MYO9B: variants seen among roughly 807,000 people sequenced by gnomAD.
MYO9B encodes myosin IXB, also known as unconventional myosin-IXb.
In MYO9B, 71 loss-of-function variants were observed where a neutral mutation model predicts 229.5. The observed-to-expected ratio is 0.31, with a 90% CI of 0.26 to 0.38. MYO9B has a LOEUF of 0.38. Among genes scored for constraint, MYO9B ranks in the 10% least tolerant of loss-of-function variants. MYO9B has a pLI of 1.00. For missense variants in MYO9B, 2,255 were observed against 2,920.5 expected, an observed-to-expected ratio of 0.77 and a Z score of 5.25; for synonymous variants, 1,185 against 1,235.8, an observed-to-expected ratio of 0.96 and a Z score of 0.86.
chr19:17,184,919 C>T lies in MYO9B; in HGVS notation c.2428C>T (p.Arg810Cys), dbSNP rs2072900809. ...CATCATCAGCATGACTCTGCACGAC[C>T]GCACCACCAAGTCCCTACTGCACCT... is the stretch of plus-strand genomic sequence containing the variant. ...KLIISMTLHD[R>C]TTKSLLHLHK... Residue 810 changes from arginine to cysteine, a missense_variant, in exon 17 of 40, where the codon CGC becomes TGC. Arg to Cys is a radical substitution (Grantham distance 180). Around this residue, in one of 7 missense-constraint regions of MYO9B, gnomAD observed 68 missense variants for 133.5 expected, o/e 0.51. Coordinates refer to ENST00000682292, the MANE Select transcript of MYO9B (RefSeq NM_004145.4). 1 of 1,613,926 alleles carries T rather than the reference C, an allele frequency of 6.2e-7. No individual in the cohort carries two copies.
rs1472538567 is a variant in MYO9B, at chr19:17,200,346, T to C, written c.4292T>C (p.Leu1431Pro). ...AAAACCAAGGATAAAAAATACAGCC[T>C]GGAGGGCGCAGAGGAGCTGGAGAAT... ...LHKTKDKKYSLEGAEELENAV... is the reference protein window; with the variant it reads ...LHKTKDKKYSPEGAEELENAV... The change falls in exon 25 of 40, where the codon CTG becomes CCG. Residue 1431 changes from leucine (L) to proline (P), a missense_variant. Leu to Pro is a moderately conservative substitution (Grantham distance 98). Transcript: ENST00000682292. 2 of 1,612,348 alleles carry C rather than the reference T, an allele frequency of 1.2e-6. No individual in the cohort carries two copies. Among genetic ancestry groups the C allele is most frequent in the Non-Finnish European group, 8.5e-7 (1 of 1,179,184 alleles).
Position 17,194,587 on chromosome 19 carries a change from G to T in MYO9B, c.3160G>T (p.Ala1054Ser). 6.2e-7 allele frequency: 1 copy of T among 1,612,838 alleles called. No individual in the cohort carries two copies. The highest frequency in any genetic ancestry group is 8.5e-7 in the Non-Finnish European group (1 of 1,179,858). The change falls in exon 22 of 40, where the codon GCA (alanine) becomes TCA (serine). Residue 1054 changes from alanine to serine, a missense_variant. This residue lies in a region of MYO9B where 679 missense variants were observed against 770.2 expected (regional missense o/e 0.88). Transcript: ENST00000682292. The part of the protein sequence containing the change: ...FSQMISEKQK[A>S]EEKEREALEA... The stretch of plus-strand genomic sequence containing the variant: ...CCAGATGATCTCGGAGAAGCAGAAG[G>T]CAGAAGAGAAGGAGAGGGAAGCCCT...
chr19:17,110,208 G>A (rs554531947), intron 2 of MYO9B, among the ~76,000 whole-genome samples: 1 of 152,178 alleles, frequency 6.6e-6, no homozygotes, highest in Non-Finnish European at 1.5e-5. Flanking sequence ...TTGCAGCCTC[G>A]CTGTGTAATG....
intron 16 of MYO9B, chr19:17,184,150 G>A: frequency 4.1e-6 from 2 of 484,618 alleles, no homozygotes; most frequent in Non-Finnish European, 3.7e-6. Context: ...GAAGCTAGGG[G>A]CGTAAGCATA....
At chr19:17,142,759 T>TTTTG (rs1394988756) in intron 2 of MYO9B, among the ~76,000 whole-genome samples, 2 of 152,148 alleles carry the variant, frequency 1.3e-5, no homozygotes, top group East Asian at 1.9e-4. Context: ...TTCTTTGGGT[T>TTTTG]TTTGTTTGTT....
At chr19:17,094,113 G>C (rs1341032678) in intron 1 of MYO9B, among the ~76,000 whole-genome samples, 1 of 129,646 alleles carries the variant, frequency 7.7e-6, no homozygotes, top group South Asian at 2.5e-4. Flanking sequence ...TCGGCACACT[G>C]CAATCTCCAC....
At chr19:17,141,392 G>C (rs116176368) in intron 2 of MYO9B, among the ~76,000 whole-genome samples, 2,454 of 152,258 alleles carry the variant, frequency 0.016, 80 homozygotes, top group African/African-American at 0.055. Flanking sequence ...TTCCACGTGT[G>C]ACTGCAGGGC....
At chr19:17,142,198 C>T (rs1463591251) in intron 2 of MYO9B, among the ~76,000 whole-genome samples, 1 of 150,918 alleles carries the variant, frequency 6.6e-6, no homozygotes, top group Admixed American at 6.6e-5. Context: ...AAAGAAGCGG[C>T]AACCAGACAC....
At chr19:17,206,516 G>T in intron 33 of MYO9B, 140 bp downstream of exon 33, 2 of 1,400,850 alleles carry the variant, frequency 1.4e-6, no homozygotes, top group Admixed American at 2.2e-5. Flanking sequence ...AGCCAAACCG[G>T]GTCCCCAGTT....
At chr19:17,118,232 T>G (rs1307188505) in intron 2 of MYO9B, among the ~76,000 whole-genome samples, 1 of 151,742 alleles carries the variant, frequency 6.6e-6, no homozygotes, top group African/African-American at 2.4e-5. Flanking sequence ...TTAGAGGCCT[T>G]TAGAGAGTAC....
Position 17,200,950 on chromosome 19 carries a change from A to G in MYO9B, c.4563+121A>G, listed in dbSNP as rs1365517597. The G allele has an allele frequency of 4.2e-6, 5 of 1,177,100 alleles. No individual in the cohort carries two copies. In the African/African-American group the frequency reaches 7.6e-5, roughly 18 times the overall value. The allele number at this position is 1,177,100 out of a possible 1,614,324, so 72.9% of individuals were successfully genotyped here. ...TTAGCAGGTCAAGAATACAAAGTCC[A>G]GGCTCAGGCCGGGGACAGTGGTTCA... is the stretch of plus-strand genomic sequence containing the variant. On this transcript the variant is annotated intron_variant, in intron 26 of 39. Coordinates refer to ENST00000682292, the MANE Select transcript of MYO9B (RefSeq NM_004145.4).
chr19:17,076,086 G>A (rs1022296809), intron 1 of MYO9B, among the ~76,000 whole-genome samples: 1 of 145,106 alleles, frequency 6.9e-6, no homozygotes, highest in Admixed American at 6.9e-5. Flanking sequence ...AGCTGGTGAG[G>A]GAGTTCGAGG....
intron 11 of MYO9B, among the ~76,000 whole-genome samples, chr19:17,168,296 C>G (rs960243121): frequency 3.3e-5 from 5 of 152,206 alleles, no homozygotes; most frequent in African/African-American, 1.2e-4. Context: ...TCTGGAGTAG[C>G]TGGGACTACA....
At position 17,212,105 on chromosome 19, in the gene MYO9B, C is replaced by T. The variant is rs374094759; in HGVS notation, c.6269C>T (p.Ala2090Val). The T allele has an allele frequency of 1.6e-5, 25 of 1,588,922 alleles. No homozygotes were observed. The African/African-American group carries it at 1.8e-4, about 11-fold the overall frequency. The change falls in exon 40 of 40, where the codon GCG becomes GTG. Residue 2090 changes from alanine to valine, a missense_variant. Physicochemically the swap from Ala to Val is moderately conservative, Grantham distance 64. Transcript: ENST00000682292. The surrounding 1 kb of genome is among the most constrained non-coding windows in gnomAD (Gnocchi z 5.4). Reference sequence around the variant, plus strand: ...CGCTGGGCACCGGGTGCCCGGGAGGCGGCTGCCCCAGTGCGGCGCCGGGAG... The same window carrying T: ...CGCTGGGCACCGGGTGCCCGGGAGGTGGCTGCCCCAGTGCGGCGCCGGGAG... ...LPRWAPGARE[A>V]AAPVRRREPP...
chr19:17,145,042 C>G (rs963833548), intron 2 of MYO9B, among the ~76,000 whole-genome samples: 2 of 151,270 alleles, frequency 1.3e-5, no homozygotes, highest in African/African-American at 4.9e-5. Flanking sequence ...CTTTGGGAGG[C>G]TGAGGCGGGC....
At chr19:17,119,385 C>T (rs1353419309) in intron 2 of MYO9B, among the ~76,000 whole-genome samples, 1 of 152,190 alleles carries the variant, frequency 6.6e-6, no homozygotes, top group Admixed American at 6.5e-5. Context: ...GTGTTTCTTA[C>T]AGCCGGCTTC....
chr19:17,076,092 C>G (rs1392175948), intron 1 of MYO9B, among the ~76,000 whole-genome samples: 3 of 115,710 alleles, frequency 2.6e-5, no homozygotes, highest in Non-Finnish European at 5.6e-5. Flanking sequence ...TGAGGGAGTT[C>G]GAGGGCGTGG....
chr19:17,092,360 A>C (rs2057645888), intron 1 of MYO9B, among the ~76,000 whole-genome samples: 1 of 152,242 alleles, frequency 6.6e-6, no homozygotes, highest in African/African-American at 2.4e-5. Context: ...GTGCACATAC[A>C]CAGGTGTACG....
chr19:17,157,189 C>G, intron 7 of MYO9B, 151 bp downstream of exon 7: 2 of 985,326 alleles, frequency 2.0e-6, no homozygotes, highest in Non-Finnish European at 2.9e-6. Context: ...TACAGTGTTC[C>G]TTCCTCATTT....
Sources: gnomAD v4.1 joint callset for allele counts (sites outside exome capture counted in the v4.1 genomes callset) on GRCh38, gnomAD v4.1.1 for gene constraint, gnomAD v4.1.1 regional missense constraint, Gnocchi (gnomAD v3.1) non-coding constraint, MANE v1.5 for transcripts, NCBI Gene and HGNC (gene_info 2026-07-23, HGNC 2026-07-21) for gene names.